The following HIVEP3 variants were observed in gnomAD, a reference collection of about 807,000 sequenced individuals.
HIVEP3 encodes the protein transcription factor HIVEP3.
A neutral mutation model predicts 152.8 loss-of-function variants in HIVEP3; 49 were observed. The observed-to-expected ratio is 0.32, with a 90% CI of 0.26 to 0.41. The LOEUF (loss-of-function observed/expected upper bound fraction) is 0.41. HIVEP3 is among the 10% of genes least tolerant of loss of function. HIVEP3 has a pLI of 1.00. For missense variants in HIVEP3, 2,790 were observed against 3,103.3 expected, an observed-to-expected ratio of 0.90 and a Z score of 2.40; for synonymous variants, 1,269 against 1,289.0, an observed-to-expected ratio of 0.98 and a Z score of 0.33.
At chr1:41,522,008 T>C (rs1194981292) in intron 6 of HIVEP3, among the ~76,000 whole-genome samples, 1 of 152,236 alleles carries the variant, frequency 6.6e-6, no homozygotes, top group African/African-American at 2.4e-5. Flanking sequence ...CCTGAGCTGC[T>C]GCCACGACGT....
chr1:41,933,347 G>A (rs1456867243), intron 1 of HIVEP3, among the ~76,000 whole-genome samples: 2 of 152,120 alleles, frequency 1.3e-5, no homozygotes, highest in African/African-American at 4.8e-5. Context: ...AAACTCTGTT[G>A]TTAGGTACGT....
At chr1:41,888,846 C>T (rs1169024109) in intron 1 of HIVEP3, among the ~76,000 whole-genome samples, 3 of 147,466 alleles carry the variant, frequency 2.0e-5, no homozygotes, top group Non-Finnish European at 4.5e-5. Flanking sequence ...ACACATGCCC[C>T]CATACCACAT....
chr1:41,725,942 G>A (rs760654685), intron 1 of HIVEP3, among the ~76,000 whole-genome samples: 5 of 152,148 alleles, frequency 3.3e-5, no homozygotes, highest in Non-Finnish European at 7.4e-5. Context: ...TTTTGTTTTT[G>A]AAGTGATTTT....
intron 3 of HIVEP3, among the ~76,000 whole-genome samples, chr1:41,587,917 C>T (rs576368173): frequency 2.6e-5 from 4 of 152,286 alleles, no homozygotes; most frequent in African/African-American, 9.6e-5. Flanking sequence ...CAGGGGACAT[C>T]GCTGTATCCA....
At chr1:41,994,043 T>G (rs1645380424) in intron 1 of HIVEP3, among the ~76,000 whole-genome samples, 1 of 149,686 alleles carries the variant, frequency 6.7e-6, no homozygotes, top group South Asian at 2.1e-4. Flanking sequence ...GAGATATACA[T>G]AATGCTAGAT....
In HIVEP3 at chr1:41,575,555, G is replaced by T. The variant is rs750006515; in HGVS notation, c.5196C>A (p.Ile1732=). Residue 1732 remains isoleucine, a synonymous_variant, in exon 5 of 9, where the codon ATC becomes ATA. Coordinates refer to ENST00000372583, the MANE Select transcript of HIVEP3 (RefSeq NM_024503.5). ...SQRGEPARIK[I]FEGGYKSNEE... ...AACATGAGTCTTACCCTCCTTCGAA[G>T]ATTTTGATCCTCGCCGGCTCCCCTC... The T allele has an allele frequency of 1.2e-6, 2 of 1,614,160 alleles. No individual in the cohort carries two copies. Among genetic ancestry groups the T allele is most frequent in the East Asian group, 4.5e-5 (2 of 44,884 alleles).
At chr1:41,827,977 C>T (rs748896540) in intron 1 of HIVEP3, among the ~76,000 whole-genome samples, 2 of 152,106 alleles carry the variant, frequency 1.3e-5, no homozygotes, top group Non-Finnish European at 2.9e-5. Flanking sequence ...GAGTCCTTGT[C>T]ACTCCTAGGA....
intron 1 of HIVEP3, among the ~76,000 whole-genome samples, chr1:41,867,825 G>A (rs1644006151): frequency 6.6e-6 from 1 of 152,176 alleles, no homozygotes; most frequent in Non-Finnish European, 1.5e-5. Context: ...AGTTCTATCT[G>A]AAGGCAGAGC....
intron 3 of HIVEP3, among the ~76,000 whole-genome samples, chr1:41,587,000 G>T (rs967570797): frequency 6.6e-6 from 1 of 152,078 alleles, no homozygotes; most frequent in Non-Finnish European, 1.5e-5. Flanking sequence ...AGGACTTATG[G>T]TGTTTCTATA....
chr1:41,952,454 T>C (rs534172072), intron 1 of HIVEP3, among the ~76,000 whole-genome samples: 45 of 131,984 alleles, frequency 3.4e-4, no homozygotes, highest in Admixed American at 8.0e-4. Context: ...TCATTCATTG[T>C]GAAGTGTGTA....
chr1:41,953,999 G>A (rs1645124712), intron 1 of HIVEP3, among the ~76,000 whole-genome samples: 1 of 152,138 alleles, frequency 6.6e-6, no homozygotes. Flanking sequence ...TGGGGAAACT[G>A]AGTTGTGTAA....
intron 1 of HIVEP3, among the ~76,000 whole-genome samples, chr1:41,938,055 T>A (rs1645028301): frequency 6.6e-6 from 1 of 152,182 alleles, no homozygotes. Flanking sequence ...CTCCTGGCCT[T>A]TGCACATACT....
chr1:41,610,735 C>G (rs766745115), intron 3 of HIVEP3, among the ~76,000 whole-genome samples: 1 of 152,150 alleles, frequency 6.6e-6, no homozygotes, highest in Non-Finnish European at 1.5e-5. Flanking sequence ...TACTGAATTC[C>G]GAGCGCAATT....
chr1:41,730,815 G>A (rs1371082322), intron 1 of HIVEP3, among the ~76,000 whole-genome samples: 1 of 152,220 alleles, frequency 6.6e-6, no homozygotes, highest in Non-Finnish European at 1.5e-5. Context: ...ACAGGTGGGA[G>A]GCTGGGGGGT....
intron 1 of HIVEP3, among the ~76,000 whole-genome samples, chr1:41,842,317 T>C (rs1199581916): frequency 2.0e-5 from 3 of 152,056 alleles, no homozygotes; most frequent in Non-Finnish European, 4.4e-5. Context: ...CCAGAAAAGA[T>C]TGAGCCTGAA....
chr1:41,833,061 G>A (rs1454698701), intron 1 of HIVEP3, among the ~76,000 whole-genome samples: 1 of 152,232 alleles, frequency 6.6e-6, no homozygotes, highest in Non-Finnish European at 1.5e-5. Flanking sequence ...TTTTAGGGGT[G>A]GGAGAAGGCA....
rs1448430566 is a variant in HIVEP3 at position 41,585,166 on chromosome 1, A to C, written c.-369T>G. ...CCCACGAGTCCCCCGTGTGCTATGC[A>C]AACGGTTGAAGGTTGGAGACATCTG... On this transcript the variant is annotated 5_prime_UTR_variant, in exon 4 of 9. Coordinates refer to ENST00000372583, the MANE Select transcript of HIVEP3 (RefSeq NM_024503.5). 2.5e-6 allele frequency: 1 copy of C among 398,154 alleles called. No individual in the cohort carries two copies. The highest frequency in any genetic ancestry group is 4.4e-6 in the Non-Finnish European group (1 of 226,614). The allele number at this position is 398,154 out of a possible 1,614,324, so 24.7% of individuals were successfully genotyped here. A position where few individuals can be genotyped will look rare whatever the true frequency, so the allele number is the denominator to read the frequency against.
chr1:41,563,728 G>T (rs1211513295), intron 5 of HIVEP3, among the ~76,000 whole-genome samples: 2 of 152,056 alleles, frequency 1.3e-5, no homozygotes, highest in African/African-American at 4.8e-5. Flanking sequence ...CAATAAAGGG[G>T]CACTTGAGAG....
At chr1:41,565,351 G>T (rs556909840) in intron 5 of HIVEP3, among the ~76,000 whole-genome samples, 5 of 151,722 alleles carry the variant, frequency 3.3e-5, no homozygotes, top group African/African-American at 7.2e-5. Flanking sequence ...AAGACAATCT[G>T]CCAAAAGAGA....
Sources: gnomAD v4.1 joint callset for allele counts (sites outside exome capture counted in the v4.1 genomes callset) on GRCh38, gnomAD v4.1.1 for gene constraint, MANE v1.5 for transcripts, NCBI Gene and HGNC (gene_info 2026-07-23, HGNC 2026-07-21) for gene names.